The following ANKS1B variants were observed in gnomAD, a reference collection of about 807,000 sequenced individuals.
The protein encoded by ANKS1B is ankyrin repeat and sterile alpha motif domain containing 1B, also known as ankyrin repeat and sterile alpha motif domain-containing protein 1B.
Under a neutral mutation model 148.3 loss-of-function variants are expected in ANKS1B, and 36 were observed. The ratio of observed to expected loss-of-function variants is 0.24; its 90% confidence interval spans 0.19 to 0.32. The LOEUF is 0.32. ANKS1B is among the 10% of genes least tolerant of loss of function. The pLI is 1.00. For synonymous variants in ANKS1B, 542 were observed against 560.8 expected, an observed-to-expected ratio of 0.97 and a Z score of 0.47; for missense variants, 1,157 against 1,542.6, an observed-to-expected ratio of 0.75 and a Z score of 4.19.
intron 1 of ANKS1B, among the ~76,000 whole-genome samples, chr12:99,897,481 G>A (rs1225235045): frequency 6.6e-6 from 1 of 151,000 alleles, no homozygotes; most frequent in Non-Finnish European, 1.5e-5. Flanking sequence ...TAATTACTCT[G>A]GGAATTACTA....
chr12:99,074,134 C>T (rs2047095481), intron 16 of ANKS1B, among the ~76,000 whole-genome samples: 1 of 152,116 alleles, frequency 6.6e-6, no homozygotes, highest in African/African-American at 2.4e-5. Flanking sequence ...TCCAAGGGAG[C>T]CACTGTTCTT....
chr12:98,912,655 C>A (rs2099788387), intron 17 of ANKS1B, among the ~76,000 whole-genome samples: 1 of 152,198 alleles, frequency 6.6e-6, no homozygotes, highest in Admixed American at 6.5e-5. Flanking sequence ...AAATATTTGT[C>A]TGTTTGATGG....
intron 8 of ANKS1B, among the ~76,000 whole-genome samples, chr12:99,720,046 C>T (rs1306933269): frequency 6.6e-6 from 1 of 152,168 alleles, no homozygotes; most frequent in Non-Finnish European, 1.5e-5. Flanking sequence ...TCTATTCTGT[C>T]GTCATTTCAT....
At chr12:98,882,568 C>T (rs2099710880) in intron 17 of ANKS1B, among the ~76,000 whole-genome samples, 1 of 152,094 alleles carries the variant, frequency 6.6e-6, no homozygotes, top group South Asian at 2.1e-4. Context: ...TTGTGATTTA[C>T]TGTGTACTTT....
intron 10 of ANKS1B, among the ~76,000 whole-genome samples, chr12:99,496,167 G>A (rs2096602361): frequency 6.6e-6 from 1 of 152,126 alleles, no homozygotes; most frequent in Non-Finnish European, 1.5e-5. Flanking sequence ...GATTTATCGG[G>A]CATCCATAGT....
intron 1 of ANKS1B, among the ~76,000 whole-genome samples, chr12:99,978,901 T>G (rs1190271656): frequency 6.6e-6 from 1 of 152,168 alleles, no homozygotes; most frequent in African/African-American, 2.4e-5. Flanking sequence ...AAAACTCAAC[T>G]CTTCGAGGCA....
intron 1 of ANKS1B, among the ~76,000 whole-genome samples, chr12:99,836,022 A>C (rs969551129): frequency 6.6e-6 from 1 of 152,234 alleles, no homozygotes; most frequent in Non-Finnish European, 1.5e-5. Flanking sequence ...TATTGAATGA[A>C]TATTTACTGA....
chr12:99,781,848 C>A (rs1175685612), intron 5 of ANKS1B, among the ~76,000 whole-genome samples, 174 bp downstream of exon 5: 1 of 152,082 alleles, frequency 6.6e-6, no homozygotes, highest in Non-Finnish European at 1.5e-5. Flanking sequence ...ACATTGATAT[C>A]AATGTTATCT....
intron 9 of ANKS1B, chr12:99,649,444 C>A: frequency 1.4e-6 from 2 of 1,476,596 alleles, no homozygotes; most frequent in South Asian, 1.1e-5. Flanking sequence ...GTTCACACAC[C>A]CCTGCAGTCA....
intron 17 of ANKS1B, chr12:98,954,307 G>T (rs888218632): frequency 2.0e-5 from 3 of 152,200 alleles, no homozygotes; most frequent in Non-Finnish European, 4.4e-5. Flanking sequence ...TTACTAAATA[G>T]ATTTTAGTGT....
intron 14 of ANKS1B, among the ~76,000 whole-genome samples, chr12:99,216,908 T>C (rs1013081514): frequency 6.6e-6 from 1 of 152,192 alleles, no homozygotes; most frequent in Non-Finnish European, 1.5e-5. Context: ...CTACGCAACT[T>C]TGGGTCATGC....
chr12:99,746,108 G>T (rs1007520859), intron 8 of ANKS1B, among the ~76,000 whole-genome samples: 4 of 152,118 alleles, frequency 2.6e-5, no homozygotes, highest in African/African-American at 9.7e-5. Flanking sequence ...CAACACTAGG[G>T]TTTAAACCAG....
chr12:98,837,768 TG>T (rs903598402), intron 17 of ANKS1B, among the ~76,000 whole-genome samples: 34 of 152,268 alleles, frequency 2.2e-4, no homozygotes, highest in African/African-American at 8.2e-4. Context: ...TAAAATTTAA[TG>T]TGATATAAAA....
chr12:99,638,146 CAG>C (rs2098261395), intron 9 of ANKS1B, among the ~76,000 whole-genome samples: 1 of 152,084 alleles, frequency 6.6e-6, no homozygotes, highest in African/African-American at 2.4e-5. Flanking sequence ...ATTGGTAACA[CAG>C]AGAGTGGGGG....
rs185471235 is a variant in ANKS1B, at chr12:98,894,577, C to G, written c.2779-62441G>C. 7,510 of 985,204 alleles carry G rather than the reference C, an allele frequency of 7.6e-3. 32 individuals are homozygous for G. The highest frequency in any genetic ancestry group is 8.2e-3 in the Non-Finnish European group (6,777 of 829,870). The allele number at this position is 985,204 out of a possible 1,614,324, so 61.0% of individuals were successfully genotyped here. A position where few individuals can be genotyped will look rare whatever the true frequency, so the allele number is the denominator to read the frequency against. On this transcript the variant is annotated intron_variant, in intron 17 of 26. Coordinates refer to ENST00000683438, the MANE Select transcript of ANKS1B (RefSeq NM_001352186.2). ...GCTGCGGCACCACTTCTTGGAGCCA[C>G]GTCTCGGCGAGCGGGGGCCGCGGAG...
chr12:99,368,036 G>A (rs1023388370), intron 12 of ANKS1B, among the ~76,000 whole-genome samples: 17 of 152,180 alleles, frequency 1.1e-4, no homozygotes, highest in Middle Eastern at 3.4e-3. Context: ...TTAGTAATAC[G>A]ACTCGGAGAG....
chr12:99,214,555 T>C, intron 14 of ANKS1B, among the ~76,000 whole-genome samples: 1 of 152,212 alleles, frequency 6.6e-6, no homozygotes. Flanking sequence ...TTGCTTCTCC[T>C]TTGCCTTCTG....
chr12:99,821,944 T>C (rs999426205), intron 2 of ANKS1B, among the ~76,000 whole-genome samples: 1 of 152,018 alleles, frequency 6.6e-6, no homozygotes, highest in African/African-American at 2.4e-5. Context: ...TTAGAAGATA[T>C]GGCAAAATAT....
At chr12:99,172,759 AT>A (rs895497635) in intron 14 of ANKS1B, among the ~76,000 whole-genome samples, 1 of 151,850 alleles carries the variant, frequency 6.6e-6, no homozygotes, top group Non-Finnish European at 1.5e-5. Context: ...AATAATAACA[AT>A]TTTTTTAAAA....
Sources: allele counts gnomAD v4.1 joint callset (sites outside exome capture counted in the v4.1 genomes callset), GRCh38; gene constraint gnomAD v4.1.1; transcripts MANE v1.5; gene names NCBI Gene and HGNC (gene_info 2026-07-23, HGNC 2026-07-21).